EFHD1: variants seen among roughly 807,000 people sequenced by gnomAD.
EFHD1 encodes the protein EF-hand domain-containing protein D1.
EFHD1 carries 10 observed loss-of-function variants against 17.2 expected under a neutral mutation model. That is an observed-to-expected ratio of 0.58 (90% confidence interval 0.36 to 0.99). The LOEUF is 0.99. Ranked by LOEUF, EFHD1 falls within the 50% of genes least tolerant of loss-of-function variation. The pLI, the probability that EFHD1 is intolerant of heterozygous loss-of-function variation, is 0.01. For missense variants in EFHD1, 310 were observed against 327.5 expected, an observed-to-expected ratio of 0.95 and a Z score of 0.41; for synonymous variants, 153 against 142.0, an observed-to-expected ratio of 1.08 and a Z score of -0.55.
intron 1 of EFHD1, among the ~76,000 whole-genome samples, chr2:232,613,103 C>A (rs1693838795): frequency 6.6e-6 from 1 of 151,944 alleles, no homozygotes; most frequent in African/African-American, 2.4e-5. Context: ...TTAACCACCC[C>A]CTGCCCCCCA....
intron 1 of EFHD1, among the ~76,000 whole-genome samples, chr2:232,659,170 C>G (rs530072986): frequency 6.6e-6 from 1 of 152,204 alleles, no homozygotes; most frequent in African/African-American, 2.4e-5. Context: ...CAACAGCCAC[C>G]CAGCGATCTT....
At chr2:232,614,378 C>T (rs1485352220) in intron 1 of EFHD1, among the ~76,000 whole-genome samples, 1 of 152,148 alleles carries the variant, frequency 6.6e-6, no homozygotes, top group Admixed American at 6.6e-5. Context: ...GAGACCAACC[C>T]CTCCCCTTCC....
At chr2:232,623,719 A>C (rs1209290191) in intron 1 of EFHD1, among the ~76,000 whole-genome samples, 3 of 150,790 alleles carry the variant, frequency 2.0e-5, no homozygotes, top group African/African-American at 7.3e-5. Context: ...AGAAGAAGAA[A>C]GAAAGAAAGA....
At chr2:232,633,306 G>A (rs1014990015), upstream of EFHD1, 2 of 279,220 alleles carry the variant, frequency 7.2e-6, no homozygotes, top group Admixed American at 1.2e-4. Flanking sequence ...GAACGGTCGA[G>A]ACGCTTTTTC....
At chr2:232,624,935 A>G (rs1301097568) in intron 1 of EFHD1, among the ~76,000 whole-genome samples, 3 of 152,074 alleles carry the variant, frequency 2.0e-5, no homozygotes, top group Non-Finnish European at 4.4e-5. Context: ...CCTCCTGGTC[A>G]TTTTACCTAA....
At chr2:232,628,863 T>C (rs1234938960), upstream of EFHD1, among the ~76,000 whole-genome samples, 1 of 152,194 alleles carries the variant, frequency 6.6e-6, no homozygotes, top group African/African-American at 2.4e-5. Context: ...CTATGTGACT[T>C]CTGAGGCTAC....
chr2:232,660,339 TGCCTGCCACCAC>T (rs1694839062), intron 1 of EFHD1, among the ~76,000 whole-genome samples: 2 of 151,970 alleles, frequency 1.3e-5, no homozygotes, highest in South Asian at 4.2e-4. Flanking sequence ...GGACTACAGG[TGCCTGCCACCAC>T]GCCCGGCTCA....
chr2:232,641,586 G>C (rs115860582), intron 1 of EFHD1, among the ~76,000 whole-genome samples: 1 of 152,302 alleles, frequency 6.6e-6, no homozygotes, highest in African/African-American at 2.4e-5. Flanking sequence ...TAAGGTTTCT[G>C]TTGTCCCTCT....
At chr2:232,643,490 C>T (rs564469714) in intron 1 of EFHD1, among the ~76,000 whole-genome samples, 117 of 151,886 alleles carry the variant, frequency 7.7e-4, no homozygotes, top group African/African-American at 2.6e-3. Context: ...TCACTGCAGC[C>T]TCGACCTCCT....
intron 1 of EFHD1, among the ~76,000 whole-genome samples, chr2:232,623,525 T>C (rs1417380403): frequency 6.7e-6 from 1 of 149,232 alleles, no homozygotes; most frequent in East Asian, 2.0e-4. Context: ...AATACAAAAA[T>C]TAGCCAGGTG....
intron 1 of EFHD1, among the ~76,000 whole-genome samples, chr2:232,654,404 T>TTTTC (rs1203213941): frequency 6.3e-5 from 9 of 143,432 alleles, no homozygotes; most frequent in African/African-American, 2.1e-4. Context: ...ATGACTTTTC[T>TTTTC]TTTCTTTCTT....
At chr2:232,673,907 C>CTTTTTT (rs11409819) in intron 3 of EFHD1, among the ~76,000 whole-genome samples, 10 of 119,952 alleles carry the variant, frequency 8.3e-5, no homozygotes, top group Non-Finnish European at 1.4e-4. Context: ...AAGACTTCTT[C>CTTTTTT]TTTTTTTTTT....
Position 232,627,064 on chromosome 2 carries a change from ATTTT to A in EFHD1, c.14+20903_14+20906del, listed in dbSNP as rs56085382. Among the ~76,000 whole-genome samples the A allele has an allele frequency of 9.7e-3, 890 of 92,050 alleles. 11 individuals are homozygous for A. Among genetic ancestry groups the A allele is most frequent in the African/African-American group, 0.028 (661 of 23,364 alleles). The allele number at this position is 92,050 out of a possible 152,430, so 60.4% of individuals were successfully genotyped here. ...TATATATATATATATATATATATAT[ATTTT>A]TTTTTTTTTTTAATTAGCCAGTTGT... On this transcript the variant is annotated intron_variant, in intron 1 of 3. Transcript: ENST00000409613.
At position 232,681,696 on chromosome 2, in the gene EFHD1, C is replaced by G; in HGVS notation, c.697C>G (p.Leu233Val). 1.2e-6 allele frequency: 2 copies of G among 1,614,222 alleles called. No individual in the cohort carries two copies. Among genetic ancestry groups the G allele is most frequent in the Non-Finnish European group, 1.7e-6 (2 of 1,180,022 alleles). ...RRLRQAAFQK[L>V]KANFNT is the part of the protein sequence containing the mutation. ...GCTCCGCCAGGCAGCCTTCCAGAAA[C>G]TCAAGGCCAACTTCAATACATAGTC... is the stretch of plus-strand genomic sequence containing the variant. The change falls in exon 4 of 4, where the codon CTC becomes GTC. Residue 233 changes from leucine (L) to valine (V), a missense_variant. Coordinates refer to ENST00000264059, the MANE Select transcript of EFHD1 (RefSeq NM_025202.4).
At chr2:232,646,012 G>A (rs946352145) in intron 1 of EFHD1, among the ~76,000 whole-genome samples, 1 of 152,142 alleles carries the variant, frequency 6.6e-6, no homozygotes, top group African/African-American at 2.4e-5. Flanking sequence ...CACAGTCTCT[G>A]CAGGCAGCCT....
chr2:232,664,373 C>A (rs1694931680), intron 2 of EFHD1, among the ~76,000 whole-genome samples: 1 of 151,898 alleles, frequency 6.6e-6, no homozygotes, highest in Non-Finnish European at 1.5e-5. Flanking sequence ...ACTCAGCCTC[C>A]CAAAGTGCTG....
intron 1 of EFHD1, among the ~76,000 whole-genome samples, chr2:232,660,231 G>A (rs558655640): frequency 1.3e-5 from 2 of 150,192 alleles, no homozygotes; most frequent in African/African-American, 4.9e-5. Context: ...ATCTTGCTCT[G>A]TCACCCAGGC....
chr2:232,660,900 C>T (rs749982480), intron 1 of EFHD1, among the ~76,000 whole-genome samples: 35 of 152,192 alleles, frequency 2.3e-4, no homozygotes, highest in Middle Eastern at 3.4e-3. Context: ...ATCGCTTAAA[C>T]CCAGGAGGCA....
intron 1 of EFHD1, among the ~76,000 whole-genome samples, chr2:232,609,990 A>T (rs1340204761): frequency 6.6e-6 from 1 of 152,146 alleles, no homozygotes; most frequent in Non-Finnish European, 1.5e-5. Flanking sequence ...AGCGTCCCCA[A>T]AACACTGGCT....
Sources: allele counts gnomAD v4.1 joint callset (sites outside exome capture counted in the v4.1 genomes callset), GRCh38; gene constraint gnomAD v4.1.1; transcripts MANE v1.5; gene names NCBI Gene and HGNC (gene_info 2026-07-23, HGNC 2026-07-21).